The following NOVA1 variants were observed in gnomAD, a reference collection of about 807,000 sequenced individuals.
NOVA1 encodes the protein NOVA alternative splicing regulator 1, also known as RNA-binding protein Nova-1.
In NOVA1, 7 loss-of-function variants were observed where a neutral mutation model predicts 38.0. The ratio of observed to expected loss-of-function variants is 0.18; its 90% CI spans 0.10 to 0.35. The LOEUF (loss-of-function observed/expected upper bound fraction) is 0.35, where lower values mean the gene tolerates loss of function less well. Among genes scored for constraint, NOVA1 ranks in the 10% least tolerant of loss-of-function variants. The pLI is 1.00. For synonymous variants in NOVA1, 270 were observed against 232.5 expected (o/e 1.16, Z -1.47); for missense variants, 460 against 616.0 (o/e 0.75, Z 2.68).
intron 2 of NOVA1, among the ~76,000 whole-genome samples, chr14:26,491,344 T>C (rs917616257): frequency 6.6e-6 from 1 of 152,150 alleles, no homozygotes; most frequent in African/African-American, 2.4e-5. Flanking sequence ...TTCTGGATAT[T>C]AAAGTTATTG....
intron 2 of NOVA1, among the ~76,000 whole-genome samples, chr14:26,537,658 A>G (rs1890200177): frequency 6.6e-6 from 1 of 152,202 alleles, no homozygotes; most frequent in East Asian, 1.9e-4. Flanking sequence ...AGCCCCATAC[A>G]GTACAGCAGT....
intron 2 of NOVA1, among the ~76,000 whole-genome samples, chr14:26,532,927 T>C (rs1478097435): frequency 1.3e-5 from 2 of 152,218 alleles, no homozygotes; most frequent in Non-Finnish European, 2.9e-5. Context: ...GCTATATGGT[T>C]CAGAAATCTT....
At chr14:26,524,023 T>C (rs895308653) in intron 2 of NOVA1, among the ~76,000 whole-genome samples, 4 of 152,158 alleles carry the variant, frequency 2.6e-5, no homozygotes, top group Non-Finnish European at 5.9e-5. Context: ...AGTGCTCCAA[T>C]TATAGGCGGG....
chr14:26,498,149 T>A (rs1886956813), intron 2 of NOVA1, among the ~76,000 whole-genome samples: 1 of 152,046 alleles, frequency 6.6e-6, no homozygotes, highest in Admixed American at 6.6e-5. Context: ...AAGCTCTGCC[T>A]CCTGGGTTCA....
intron 4 of NOVA1, among the ~76,000 whole-genome samples, chr14:26,464,174 T>C (rs973295763): frequency 1.3e-5 from 2 of 152,196 alleles, no homozygotes; most frequent in African/African-American, 4.8e-5. Flanking sequence ...TATATAGTCA[T>C]GTGCTGCATT....
intron 2 of NOVA1, 58 bp downstream of exon 2, chr14:26,595,352 G>A (rs904750670): frequency 3.3e-6 from 5 of 1,536,364 alleles, no homozygotes; most frequent in African/African-American, 2.8e-5. Context: ...CACAACACAA[G>A]TAGATCTTTC....
In NOVA1 at chr14:26,596,275, G is replaced by A. The variant is rs138687116; in HGVS notation, c.137-722C>T. Reference sequence around the variant, plus strand: ...AATTCTGCCAATACTAAAAAGCTTAGGAGTCATTTATATTAAATAGGCTTA... The same window carrying A: ...AATTCTGCCAATACTAAAAAGCTTAAGAGTCATTTATATTAAATAGGCTTA... On this transcript the variant is annotated intron_variant, in intron 1 of 4. Transcript: ENST00000539517. 3.4e-4 allele frequency among the ~76,000 whole-genome samples: 52 copies of A among 152,198 alleles called. No homozygotes were observed. The East Asian group carries it at 9.9e-3, about 29-fold the overall frequency.
chr14:26,487,433 T>C (rs1886003418), intron 2 of NOVA1, among the ~76,000 whole-genome samples: 1 of 152,020 alleles, frequency 6.6e-6, no homozygotes, highest in African/African-American at 2.4e-5. Context: ...TAAATATGAA[T>C]TATAATACAT....
intron 2 of NOVA1, among the ~76,000 whole-genome samples, chr14:26,577,932 C>CTG (rs1892963862): frequency 6.6e-6 from 1 of 151,670 alleles, no homozygotes; most frequent in African/African-American, 2.4e-5. Flanking sequence ...TTATTTAAAT[C>CTG]CATGATACTG....
At chr14:26,468,396 G>A (rs968197941) in intron 4 of NOVA1, among the ~76,000 whole-genome samples, 4 of 152,084 alleles carry the variant, frequency 2.6e-5, no homozygotes, top group Non-Finnish European at 4.4e-5. Context: ...CTACAGGTGA[G>A]AATGCAGCCC....
chr14:26,462,670 T>G (rs1487770210), intron 4 of NOVA1, among the ~76,000 whole-genome samples: 1 of 152,154 alleles, frequency 6.6e-6, no homozygotes, highest in East Asian at 1.9e-4. Context: ...CCACTCCCTT[T>G]GCCAGTCAGT....
intron 2 of NOVA1, among the ~76,000 whole-genome samples, chr14:26,579,050 A>AT (rs1272941818): frequency 2.6e-4 from 20 of 76,600 alleles, no homozygotes; most frequent in African/African-American, 7.0e-4. Context: ...AGCAGGTGGT[A>AT]TTCTTTTTTT....
chr14:26,561,753 CTATT>C (rs1891843636), intron 2 of NOVA1, among the ~76,000 whole-genome samples: 1 of 152,014 alleles, frequency 6.6e-6, no homozygotes, highest in Admixed American at 6.6e-5. Flanking sequence ...AAAGTTTTGT[CTATT>C]TATAATGTTT....
At chr14:26,494,324 TC>T (rs1886592673) in intron 2 of NOVA1, among the ~76,000 whole-genome samples, 1 of 152,172 alleles carries the variant, frequency 6.6e-6, no homozygotes, top group Admixed American at 6.5e-5. Flanking sequence ...CTCTCTCAAA[TC>T]CCAGGTTTTG....
intron 2 of NOVA1, among the ~76,000 whole-genome samples, chr14:26,522,165 G>C (rs1349531771): frequency 6.6e-6 from 1 of 152,052 alleles, no homozygotes; most frequent in African/African-American, 2.4e-5. Flanking sequence ...AATTATAATA[G>C]ATTTTTCTCT....
At chr14:26,498,287 C>T (rs1191976886) in intron 2 of NOVA1, among the ~76,000 whole-genome samples, 4 of 151,518 alleles carry the variant, frequency 2.6e-5, no homozygotes, top group Non-Finnish European at 4.4e-5. Context: ...AGGATGGTCT[C>T]GATCTCCTAA....
At chr14:26,498,533 T>C (rs188725871) in intron 2 of NOVA1, among the ~76,000 whole-genome samples, 2 of 152,122 alleles carry the variant, frequency 1.3e-5, no homozygotes, top group Admixed American at 6.6e-5. Flanking sequence ...TACCATAATA[T>C]TAAAATAATT....
intron 2 of NOVA1, among the ~76,000 whole-genome samples, chr14:26,566,336 A>G (rs1217574309): frequency 1.3e-5 from 2 of 151,928 alleles, no homozygotes; most frequent in African/African-American, 4.8e-5. Flanking sequence ...TCAAGCATAC[A>G]CAGAGTATAT....
intron 2 of NOVA1, among the ~76,000 whole-genome samples, chr14:26,516,066 T>C (rs1319561979): frequency 2.0e-5 from 3 of 152,140 alleles, no homozygotes; most frequent in Admixed American, 2.0e-4. Flanking sequence ...GTATTGTCAG[T>C]CTTTTTCACT....
Sources: gnomAD v4.1 joint callset for allele counts (sites outside exome capture counted in the v4.1 genomes callset) on GRCh38, gnomAD v4.1.1 for gene constraint, MANE v1.5 for transcripts, NCBI Gene and HGNC (gene_info 2026-07-23, HGNC 2026-07-21) for gene names.